STPG2: variants seen among roughly 807,000 people sequenced by gnomAD.
STPG2 encodes sperm-tail PG-rich repeat-containing protein 2.
STPG2 carries 56 observed loss-of-function variants against 54.2 expected under a neutral mutation model. The observed-to-expected ratio is 1.03, with a 90% CI of 0.83 to 1.29. The LOEUF is 1.29. Ranked by LOEUF, STPG2 falls within the 50% of genes most tolerant of loss-of-function variation. The pLI is 0.00. For synonymous variants in STPG2, 200 were observed against 181.8 expected, an observed-to-expected ratio of 1.10 and a Z score of -0.81; for missense variants, 596 against 544.9, an observed-to-expected ratio of 1.09 and a Z score of -0.93.
Position 97,580,658 on chromosome 4 carries a change from C to T in STPG2, c.1321-21541G>A, listed in dbSNP as rs190719181. 1.9e-4 allele frequency among the ~76,000 whole-genome samples: 29 copies of T among 151,940 alleles called. 1 individual carries two copies. In the East Asian group the frequency reaches 2.3e-3, roughly 12 times the overall value. ...AAGAAAACTTCCAGCCTCCAAATAA[C>T]GACAAACTGCTTTAAAGAAAAAGGA... On this transcript the variant is annotated intron_variant, in intron 10 of 10. Transcript: ENST00000295268.
At chr4:97,595,763 AG>A (rs1034569846) in intron 10 of STPG2, among the ~76,000 whole-genome samples, 2 of 152,158 alleles carry the variant, frequency 1.3e-5, no homozygotes, top group Non-Finnish European at 2.9e-5. Flanking sequence ...GTGGTCCTGA[AG>A]GAGGTGCTCA....
rs572899535 is a variant in STPG2, at chr4:98,008,944, A to G, written c.613-27626T>C. On this transcript the variant is annotated intron_variant, in intron 5 of 10. Coordinates refer to ENST00000295268, the MANE Select transcript of STPG2 (RefSeq NM_174952.3). ...TTGTTGGTATACAACTGTTCACAATAGTGTCTTGTAATCCTTTGAATTTCT... is the reference window on the plus strand; with the variant it reads ...TTGTTGGTATACAACTGTTCACAATGGTGTCTTGTAATCCTTTGAATTTCT... 2.0e-5 allele frequency among the ~76,000 whole-genome samples: 3 copies of G among 152,118 alleles called. No homozygotes were observed. In the South Asian group the frequency reaches 6.2e-4, roughly 32 times the overall value.
At chr4:97,610,369 A>G (rs758012507) in intron 10 of STPG2, among the ~76,000 whole-genome samples, 16 of 152,048 alleles carry the variant, frequency 1.1e-4, no homozygotes, top group Non-Finnish European at 1.8e-4. Flanking sequence ...ATGAGTAACA[A>G]CAGTGTTCTG....
chr4:98,106,119 T>A (rs778200408), intron 4 of STPG2, 55 bp from the exon 5 acceptor site: 21 of 1,169,136 alleles, frequency 1.8e-5, no homozygotes, highest in Non-Finnish European at 2.4e-5. Flanking sequence ...CTATAAATAT[T>A]TATGTAAGCA....
intron 8 of STPG2, among the ~76,000 whole-genome samples, chr4:97,876,434 C>T (rs1730174680): frequency 6.6e-6 from 1 of 151,922 alleles, no homozygotes; most frequent in Non-Finnish European, 1.5e-5. Context: ...GTCTTAAAAG[C>T]ATATTTATAG....
chr4:97,635,104 C>G (rs1162171201), intron 10 of STPG2, among the ~76,000 whole-genome samples: 1 of 152,064 alleles, frequency 6.6e-6, no homozygotes, highest in Middle Eastern at 3.4e-3. Flanking sequence ...GGTCGGGTTA[C>G]CCTCAAAGGG....
At chr4:97,870,276 T>C (rs536439327) in intron 8 of STPG2, among the ~76,000 whole-genome samples, 1 of 151,534 alleles carries the variant, frequency 6.6e-6, no homozygotes, top group East Asian at 1.9e-4. Flanking sequence ...AAATGTGATA[T>C]AACAAAATAT....
chr4:97,496,181 A>C (rs1730607625), intron 4 of STPG2, among the ~76,000 whole-genome samples: 6 of 151,760 alleles, frequency 4.0e-5, no homozygotes, highest in Admixed American at 4.0e-4. Flanking sequence ...TAACCTATTT[A>C]TATGCCCCCC....
intron 8 of STPG2, among the ~76,000 whole-genome samples, chr4:97,923,343 C>T (rs1321683347): frequency 1.4e-5 from 2 of 144,464 alleles, no homozygotes; most frequent in African/African-American, 2.6e-5. Context: ...ACCTCCCCGA[C>T]AAGTGCCGCC....
chr4:98,029,220 T>A (rs28769113), intron 5 of STPG2, among the ~76,000 whole-genome samples: 19 of 151,842 alleles, frequency 1.3e-4, no homozygotes, highest in Admixed American at 3.9e-4. Context: ...CTAATAGTCC[T>A]GTTCAATCTT....
intron 9 of STPG2, among the ~76,000 whole-genome samples, chr4:97,725,832 C>T (rs1485896979): frequency 3.3e-5 from 5 of 151,364 alleles, no homozygotes; most frequent in Non-Finnish European, 7.4e-5. Context: ...GATATTCAGC[C>T]GTAGATATAT....
At chr4:97,940,086 C>G (rs539289880) in intron 8 of STPG2, among the ~76,000 whole-genome samples, 1 of 152,134 alleles carries the variant, frequency 6.6e-6, no homozygotes, top group Non-Finnish European at 1.5e-5. Context: ...ATATAAAATT[C>G]TTGGTTGAAG....
At chr4:97,962,377 G>A (rs1733923499) in intron 7 of STPG2, among the ~76,000 whole-genome samples, 1 of 151,874 alleles carries the variant, frequency 6.6e-6, no homozygotes, top group Non-Finnish European at 1.5e-5. Context: ...AAATTAAGTG[G>A]CAAAACAAAT....
intron 9 of STPG2, among the ~76,000 whole-genome samples, chr4:97,828,701 G>C (rs923204969): frequency 1.3e-5 from 2 of 152,148 alleles, no homozygotes; most frequent in African/African-American, 4.8e-5. Flanking sequence ...GCTCGAGCTT[G>C]ATCGCGGGAG....
intron 9 of STPG2, among the ~76,000 whole-genome samples, chr4:97,782,916 T>C (rs575783027): frequency 6.6e-6 from 1 of 152,298 alleles, no homozygotes; most frequent in East Asian, 1.9e-4. Context: ...TTACACCTTA[T>C]ACAAAAATTA....
chr4:97,907,625 A>T (rs537942519), intron 8 of STPG2, among the ~76,000 whole-genome samples: 3,077 of 152,290 alleles, frequency 0.02, 115 homozygotes, highest in African/African-American at 0.07. Context: ...CTATACTACA[A>T]GGCTACAGTA....
At chr4:97,656,315 A>C (rs192293966) in intron 10 of STPG2, among the ~76,000 whole-genome samples, 2 of 152,296 alleles carry the variant, frequency 1.3e-5, no homozygotes, top group East Asian at 3.9e-4. Flanking sequence ...TCAAAATAAA[A>C]GGTGATTCCA....
At chr4:97,825,627 G>C (rs2149107968) in intron 9 of STPG2, among the ~76,000 whole-genome samples, 1 of 152,172 alleles carries the variant, frequency 6.6e-6, no homozygotes, top group African/African-American at 2.4e-5. Flanking sequence ...GTTCCTCCAA[G>C]GGCTCCACTC....
intron 9 of STPG2, among the ~76,000 whole-genome samples, chr4:97,715,181 C>T (rs1724248692): frequency 6.6e-6 from 1 of 152,076 alleles, no homozygotes; most frequent in African/African-American, 2.4e-5. Context: ...ATTACATATG[C>T]TATTGCTTAT....
Sources: allele counts gnomAD v4.1 joint callset (sites outside exome capture counted in the v4.1 genomes callset), GRCh38; gene constraint gnomAD v4.1.1; transcripts MANE v1.5; gene names NCBI Gene and HGNC (gene_info 2026-07-23, HGNC 2026-07-21).